Variants in RFX3 observed in about 807,000 individuals in gnomAD.
RFX3 encodes the protein transcription factor RFX3.
RFX3 carries 14 observed loss-of-function variants against 98.6 expected under a neutral mutation model. That is an observed-to-expected ratio of 0.14 (90% CI 0.09 to 0.22). The LOEUF (loss-of-function observed/expected upper bound fraction) is 0.22. RFX3 is among the 10% of genes least tolerant of loss of function. The pLI is 1.00. For missense variants in RFX3, 639 were observed against 926.9 expected (o/e 0.69, Z 4.03); for synonymous variants, 383 against 328.4 (o/e 1.17, Z -1.80).
intron 3 of RFX3, among the ~76,000 whole-genome samples, chr9:3,336,775 A>G (rs536387826): frequency 2.6e-5 from 4 of 152,198 alleles, no homozygotes; most frequent in African/African-American, 7.2e-5. Context: ...CCATGAAATT[A>G]GTTTTAATAG....
At chr9:3,439,848 C>A (rs1234252365) in intron 1 of RFX3, among the ~76,000 whole-genome samples, 2 of 152,088 alleles carry the variant, frequency 1.3e-5, no homozygotes, top group East Asian at 3.9e-4. Context: ...CAATACTTCT[C>A]ATGTACATAA....
intron 1 of RFX3, among the ~76,000 whole-genome samples, chr9:3,476,467 G>A (rs1849266095): frequency 6.6e-6 from 1 of 152,044 alleles, no homozygotes; most frequent in South Asian, 2.1e-4. Context: ...TTGAAAACAG[G>A]GGAAGAGATG....
chr9:3,420,468 CCCA>C (rs759700704), intron 1 of RFX3, among the ~76,000 whole-genome samples: 1 of 152,194 alleles, frequency 6.6e-6, no homozygotes, highest in African/African-American at 2.4e-5. Context: ...TTATTTGAAC[CCCA>C]CAACAGCCCT....
Position 3,225,195 on chromosome 9 carries a change from C to G in RFX3, c.2097G>C (p.Leu699=), listed in dbSNP as rs557286643. The change falls in exon 17 of 17, where the codon CTG becomes CTC. Residue 699 remains leucine (L), a synonymous_variant. Transcript: ENST00000617270. ...TGCAGCCCACTGGAAATGCCTGGCT[C>G]AGCTCTGTTTTCTCTCTTTTGGCTT... is the stretch of plus-strand genomic sequence containing the variant. ...EPQAKREKTE[L]SQAFPVGCMQ... 24 of 1,613,914 alleles carry G rather than the reference C, an allele frequency of 1.5e-5. No homozygotes were observed. In the South Asian group the frequency reaches 2.0e-4, roughly 13 times the overall value.
chr9:3,503,781 T>C (rs1468864244), intron 1 of RFX3, among the ~76,000 whole-genome samples: 1 of 152,110 alleles, frequency 6.6e-6, no homozygotes, highest in Non-Finnish European at 1.5e-5. Flanking sequence ...CTATGCTATA[T>C]AAACAATGAC....
intron 4 of RFX3, among the ~76,000 whole-genome samples, chr9:3,316,755 A>C (rs1830647672): frequency 6.6e-6 from 1 of 152,116 alleles, no homozygotes; most frequent in African/African-American, 2.4e-5. Flanking sequence ...TCATGAATGA[A>C]CTCCCATTCA....
chr9:3,500,610 G>C (rs748570912), intron 1 of RFX3, among the ~76,000 whole-genome samples: 12 of 152,088 alleles, frequency 7.9e-5, no homozygotes, highest in African/African-American at 2.9e-4. Flanking sequence ...TCTCCTGTAT[G>C]ACAAGAAAAA....
At chr9:3,257,949 T>G (rs1822353733) in intron 13 of RFX3, among the ~76,000 whole-genome samples, 1 of 152,202 alleles carries the variant, frequency 6.6e-6, no homozygotes, top group South Asian at 2.1e-4. Flanking sequence ...AATAGGAACT[T>G]TTAAGGCTAC....
At chr9:3,434,398 T>C (rs1844931905) in intron 1 of RFX3, among the ~76,000 whole-genome samples, 1 of 152,114 alleles carries the variant, frequency 6.6e-6, no homozygotes, top group East Asian at 1.9e-4. Context: ...AATCTAGCAA[T>C]CTCTGTAACA....
intron 2 of RFX3, among the ~76,000 whole-genome samples, chr9:3,362,608 T>C (rs759432287): frequency 1.3e-5 from 2 of 152,240 alleles, no homozygotes; most frequent in African/African-American, 2.4e-5. Context: ...ACATGATTGC[T>C]ATAGGCAACT....
intron 15 of RFX3, among the ~76,000 whole-genome samples, chr9:3,242,577 C>A (rs1212711107): frequency 6.6e-6 from 1 of 152,068 alleles, no homozygotes; most frequent in Non-Finnish European, 1.5e-5. Flanking sequence ...CTTTAAGCAC[C>A]AATATTTGTT....
intron 1 of RFX3, among the ~76,000 whole-genome samples, chr9:3,510,940 AGAAAC>A (rs1209510026): frequency 2.6e-5 from 4 of 152,020 alleles, no homozygotes; most frequent in South Asian, 4.1e-4. Context: ...CTTTGAGAAA[AGAAAC>A]AGTTTAGTTC....
chr9:3,256,717 G>T (rs1822191152), intron 14 of RFX3, among the ~76,000 whole-genome samples: 1 of 152,128 alleles, frequency 6.6e-6, no homozygotes, highest in African/African-American at 2.4e-5. Context: ...ACATTATCTA[G>T]ACTGGAATCT....
Position 3,331,662 on chromosome 9 carries a change from C to T in RFX3, c.216-1145G>A, listed in dbSNP as rs1832619040. Reference sequence around the variant, plus strand: ...CACTTTTTGCTTTTTACCATAACCTCTCAAGAGCCTTTTGGAATCTCCAAT... The same window carrying T: ...CACTTTTTGCTTTTTACCATAACCTTTCAAGAGCCTTTTGGAATCTCCAAT... On this transcript the variant is annotated intron_variant, in intron 3 of 16. Coordinates refer to ENST00000617270, the MANE Select transcript of RFX3 (RefSeq NM_001282116.2). 3.3e-5 allele frequency among the ~76,000 whole-genome samples: 5 copies of T among 152,170 alleles called. No individual in the cohort carries two copies. In the South Asian group the frequency reaches 1.0e-3, roughly 32 times the overall value.
At chr9:3,472,186 G>A (rs1250642850) in intron 1 of RFX3, among the ~76,000 whole-genome samples, 1 of 152,204 alleles carries the variant, frequency 6.6e-6, no homozygotes, top group Non-Finnish European at 1.5e-5. Flanking sequence ...GAATTGACAG[G>A]AAGAGGGAAG....
intron 2 of RFX3, among the ~76,000 whole-genome samples, chr9:3,359,028 C>A (rs1057389821): frequency 6.6e-6 from 1 of 151,714 alleles, no homozygotes; most frequent in Non-Finnish European, 1.5e-5. Context: ...AGTAGGGACA[C>A]AGAGCCCACC....
intron 15 of RFX3, among the ~76,000 whole-genome samples, chr9:3,241,087 T>C (rs1014492130): frequency 6.6e-6 from 1 of 152,234 alleles, no homozygotes; most frequent in Non-Finnish European, 1.5e-5. Context: ...TTTTGGTTTA[T>C]TTCCCCACTT....
At chr9:3,378,819 G>A (rs901056138) in intron 2 of RFX3, among the ~76,000 whole-genome samples, 1 of 152,030 alleles carries the variant, frequency 6.6e-6, no homozygotes, top group Non-Finnish European at 1.5e-5. Context: ...GCCTCCCAAA[G>A]TGCTGGGATT....
chr9:3,445,339 G>A (rs183795053), intron 1 of RFX3, among the ~76,000 whole-genome samples: 1 of 151,642 alleles, frequency 6.6e-6, no homozygotes. Context: ...CCACTACTTA[G>A]TGAATATTTA....
Sources: gnomAD v4.1 joint callset for allele counts (sites outside exome capture counted in the v4.1 genomes callset) on GRCh38, gnomAD v4.1.1 for gene constraint, MANE v1.5 for transcripts, NCBI Gene and HGNC (gene_info 2026-07-23, HGNC 2026-07-21) for gene names.